Variants in AKAIN1 observed in about 807,000 individuals in gnomAD.
The protein encoded by AKAIN1 is A-kinase anchor protein inhibitor 1.
AKAIN1 carries 3 observed loss-of-function variants against 3.7 expected under a neutral mutation model. The ratio of observed to expected loss-of-function variants is 0.82; its 90% CI spans 0.37 to 2.12. The LOEUF is 2.12. Among genes scored for constraint, AKAIN1 ranks in the 30% most tolerant of loss-of-function variants. The probability of loss-of-function intolerance (pLI) is 0.06; values close to 1 mark genes in which losing one functional copy is unlikely to be tolerated. For synonymous variants in AKAIN1, 31 were observed against 30.8 expected (o/e 1.01, Z -0.02); for missense variants, 82 against 82.7 (o/e 0.99, Z 0.03).
At chr18:5,169,083 T>G (rs537342969) in intron 1 of AKAIN1, among the ~76,000 whole-genome samples, 2 of 151,806 alleles carry the variant, frequency 1.3e-5, no homozygotes, top group South Asian at 4.2e-4. Context: ...CAGGGAAGAG[T>G]TAACGTTGCA....
intron 1 of AKAIN1, among the ~76,000 whole-genome samples, chr18:5,180,426 G>T (rs2071251382): frequency 6.6e-6 from 1 of 152,004 alleles, no homozygotes; most frequent in Non-Finnish European, 1.5e-5. Flanking sequence ...TCTAAGGCAG[G>T]TACATGGAGG....
intron 1 of AKAIN1, among the ~76,000 whole-genome samples, chr18:5,185,354 T>C (rs2071280965): frequency 6.6e-6 from 1 of 152,098 alleles, no homozygotes; most frequent in Admixed American, 6.6e-5. Context: ...CATGACCTAA[T>C]TAAACTAAAG....
At chr18:5,174,360 C>A (rs570236719) in intron 1 of AKAIN1, among the ~76,000 whole-genome samples, 2 of 152,160 alleles carry the variant, frequency 1.3e-5, no homozygotes, top group Non-Finnish European at 2.9e-5. Context: ...AGCTAGGCCA[C>A]CTTGTCTGGT....
In AKAIN1 at chr18:5,167,554, C is replaced by T. The variant is rs527962726; in HGVS notation, c.17-21799G>A. ...ACTTTGCAGAAATACCAGGTAATATCGTCCCCTCAAGAGCTTAAAACAATT... is the reference window on the plus strand; with the variant it reads ...ACTTTGCAGAAATACCAGGTAATATTGTCCCCTCAAGAGCTTAAAACAATT... On this transcript the variant is annotated intron_variant, in intron 1 of 1. Coordinates refer to ENST00000434239, the MANE Select transcript of AKAIN1 (RefSeq NM_001145194.2). Among the ~76,000 whole-genome samples the T allele has an allele frequency of 2.6e-4, 39 of 152,088 alleles. 1 individual carries two copies. Among genetic ancestry groups the T allele is most frequent in the Non-Finnish European group, 1.6e-4 (11 of 67,972 alleles).
chr18:5,152,670 A>C (rs1476927499), intron 1 of AKAIN1, among the ~76,000 whole-genome samples: 2 of 152,104 alleles, frequency 1.3e-5, no homozygotes, highest in Non-Finnish European at 2.9e-5. Context: ...CAGAGAGGGG[A>C]CTTAAGGATT....
intron 1 of AKAIN1, among the ~76,000 whole-genome samples, chr18:5,148,685 A>C (rs1435698733): frequency 6.6e-6 from 1 of 152,060 alleles, no homozygotes; most frequent in African/African-American, 2.4e-5. Context: ...GCGAAACCCC[A>C]TCTCTACTAA....
At chr18:5,176,576 A>G (rs549094049) in intron 1 of AKAIN1, among the ~76,000 whole-genome samples, 18 of 152,328 alleles carry the variant, frequency 1.2e-4, no homozygotes, top group African/African-American at 4.1e-4. Context: ...TAAGATGCCA[A>G]CATTTAAGAT....
intron 1 of AKAIN1, among the ~76,000 whole-genome samples, chr18:5,160,518 G>GA (rs1442718500): frequency 2.0e-5 from 3 of 152,058 alleles, no homozygotes; most frequent in African/African-American, 7.2e-5. Context: ...TTGTGGCTCA[G>GA]AAAAAGAACC....
At chr18:5,170,363 G>C (rs2071190540) in intron 1 of AKAIN1, among the ~76,000 whole-genome samples, 1 of 152,068 alleles carries the variant, frequency 6.6e-6, no homozygotes, top group Admixed American at 6.6e-5. Flanking sequence ...TTTCCATAAT[G>C]TGACCTGTAG....
At chr18:5,190,580 T>A (rs1259268978) in intron 1 of AKAIN1, among the ~76,000 whole-genome samples, 10 of 151,958 alleles carry the variant, frequency 6.6e-5, no homozygotes. Context: ...AATTGAAAAA[T>A]TCACATCATT....
intron 1 of AKAIN1, among the ~76,000 whole-genome samples, chr18:5,194,160 C>T (rs73943146): frequency 3.3e-5 from 5 of 152,028 alleles, no homozygotes; most frequent in Non-Finnish European, 5.9e-5. Flanking sequence ...TTAATAATTT[C>T]GTATAGTTCC....
At chr18:5,181,744 T>A (rs1047424515) in intron 1 of AKAIN1, among the ~76,000 whole-genome samples, 2 of 152,142 alleles carry the variant, frequency 1.3e-5, no homozygotes, top group Admixed American at 6.6e-5. Context: ...ACTGCATGGT[T>A]GTTTCACCAA....
In AKAIN1 at chr18:5,143,823, C is replaced by T. The variant is rs2071034159; in HGVS notation, c.*1739G>A. ...TTTATATGTTTCTGTCACTTGACAG[C>T]AAAAACAAAGGCTGGTCATATCCAG... On this transcript the variant is annotated 3_prime_UTR_variant, in exon 2 of 2. Coordinates refer to ENST00000434239, the MANE Select transcript of AKAIN1 (RefSeq NM_001145194.2). Among the ~76,000 whole-genome samples, 1 of 152,126 alleles carries T rather than the reference C, an allele frequency of 6.6e-6. No individual in the cohort carries two copies. Among genetic ancestry groups the T allele is most frequent in the African/African-American group, 2.4e-5 (1 of 41,432 alleles).
chr18:5,197,477 T>C, upstream of AKAIN1: 3 of 1,180,900 alleles, frequency 2.5e-6, no homozygotes, highest in Non-Finnish European at 3.2e-6. This position sits in a 1 kb window ranked among gnomAD's most constrained non-coding sequence, Gnocchi z 6.9. Flanking sequence ...GCCGTGGATA[T>C]TGGACTGACA....
chr18:5,180,085 C>G (rs1361442731), intron 1 of AKAIN1, among the ~76,000 whole-genome samples: 1 of 152,120 alleles, frequency 6.6e-6, no homozygotes, highest in Non-Finnish European at 1.5e-5. Flanking sequence ...GAGCAAGACA[C>G]TCACTTTCTT....
intron 1 of AKAIN1, among the ~76,000 whole-genome samples, chr18:5,191,741 G>T (rs78319327): frequency 0.019 from 2,886 of 152,154 alleles, 79 homozygotes; most frequent in African/African-American, 0.063. Flanking sequence ...CTTACTGCAG[G>T]TTGAGTATTC....
intron 1 of AKAIN1, among the ~76,000 whole-genome samples, chr18:5,173,751 C>G (rs888703320): frequency 2.6e-5 from 4 of 152,088 alleles, no homozygotes; most frequent in Non-Finnish European, 5.9e-5. Flanking sequence ...GGCTGGTGAT[C>G]TCTAAACACT....
intron 1 of AKAIN1, among the ~76,000 whole-genome samples, chr18:5,182,814 T>A (rs2071265856): frequency 6.6e-6 from 1 of 152,066 alleles, no homozygotes; most frequent in Non-Finnish European, 1.5e-5. Flanking sequence ...TTACTCTCCA[T>A]CCCTGACAGC....
intron 1 of AKAIN1, among the ~76,000 whole-genome samples, chr18:5,181,216 C>G (rs2071256327): frequency 6.6e-6 from 1 of 152,054 alleles, no homozygotes; most frequent in East Asian, 1.9e-4. Flanking sequence ...TGATTGAGAC[C>G]AGGAGGTTGA....
Sources: allele counts gnomAD v4.1 joint callset (sites outside exome capture counted in the v4.1 genomes callset), GRCh38; gene constraint gnomAD v4.1.1; non-coding constraint Gnocchi (gnomAD v3.1); transcripts MANE v1.5; gene names NCBI Gene and HGNC (gene_info 2026-07-23, HGNC 2026-07-21).